The following MYBL2 variants were observed in gnomAD, a reference collection of about 807,000 sequenced individuals.
The protein encoded by MYBL2 is MYB proto-oncogene like 2, also known as myb-related protein B.
Under a neutral mutation model 79.9 loss-of-function variants are expected in MYBL2, and 28 were observed. The ratio of observed to expected loss-of-function variants is 0.35; its 90% confidence interval spans 0.26 to 0.48. MYBL2 has a LOEUF of 0.48. Among genes scored for constraint, MYBL2 ranks in the 20% least tolerant of loss-of-function variants. MYBL2 has a pLI of 0.99. For missense variants in MYBL2, 735 were observed against 893.9 expected (o/e 0.82, Z 2.27); for synonymous variants, 378 against 361.2 (o/e 1.05, Z -0.53).
intron 12 of MYBL2, among the ~76,000 whole-genome samples, chr20:43,714,303 C>T (rs1176136663): frequency 1.4e-4 from 22 of 152,142 alleles, no homozygotes; most frequent in African/African-American, 3.9e-4. Flanking sequence ...GTTGAAGCTG[C>T]GTCTTTATGA....
rs770545336 is a variant in MYBL2 at position 43,702,662 on chromosome 20, G to A, written c.1124G>A (p.Gly375Asp). The A allele has an allele frequency of 1.9e-6, 3 of 1,613,872 alleles. No homozygotes were observed. Among genetic ancestry groups the A allele is most frequent in the East Asian group, 4.5e-5 (2 of 44,892 alleles). ...VPSVTEYRLD[G>D]HTISDLSRSS... ...AGTGTGACCGAGTACCGCCTGGATGGCCACACCATCTCAGACCTGAGCCGG... is the reference window on the plus strand; with the variant it reads ...AGTGTGACCGAGTACCGCCTGGATGACCACACCATCTCAGACCTGAGCCGG... Residue 375 changes from glycine to aspartate, a missense_variant, in exon 8 of 14, where the codon GGC (glycine) becomes GAC (aspartate). Around this residue, in one of 5 missense-constraint regions of MYBL2, gnomAD observed 243 missense variants for 327.2 expected, o/e 0.74. Transcript: ENST00000217026.
At position 43,682,831 on chromosome 20, in the gene MYBL2, G is replaced by C; in HGVS notation, c.224G>C (p.Arg75Thr). 1 of 1,614,130 alleles carries C rather than the reference G, an allele frequency of 6.2e-7. No homozygotes were observed. Among genetic ancestry groups the C allele is most frequent in the Non-Finnish European group, 8.5e-7 (1 of 1,179,974 alleles). Residue 75 changes from arginine (R) to threonine (T), a missense_variant, in exon 4 of 14, where the codon AGA becomes ACA. Arg to Thr is a moderately conservative substitution (Grantham distance 71). Transcript: ENST00000217026. The part of the protein sequence containing the change: ...TDQQCQYRWL[R>T]VLNPDLVKGP... ...CAGCAATGCCAGTACAGGTGGCTGA[G>C]AGTTTTGAATCCAGACCTTGTCAAG...
chr20:43,709,842 A>G, intron 9 of MYBL2, 121 bp from the exon 10 acceptor site: 2 of 752,466 alleles, frequency 2.7e-6, no homozygotes, highest in East Asian at 5.7e-5. Context: ...GGGGAGAGGG[A>G]TGGGACGAGA....
At chr20:43,675,779 G>GTGTA (rs1555810052) in intron 2 of MYBL2, among the ~76,000 whole-genome samples, 7 of 151,574 alleles carry the variant, frequency 4.6e-5, no homozygotes, top group African/African-American at 1.5e-4. Context: ...GTGTGTGTGT[G>GTGTA]TGTGTGTTGT....
intron 8 of MYBL2, 46 bp downstream of exon 8, chr20:43,702,949 C>T (rs763136812): frequency 1.3e-6 from 2 of 1,540,698 alleles, no homozygotes; most frequent in Non-Finnish European, 1.8e-6. Context: ...GTACAGACAC[C>T]TAGTGTTCAG....
intron 10 of MYBL2, 61 bp from the exon 11 acceptor site, chr20:43,711,427 T>C: frequency 7.3e-7 from 1 of 1,378,702 alleles, no homozygotes; most frequent in Non-Finnish European, 1.0e-6. Context: ...GGTCCCACAG[T>C]CCCACACACA....
At chr20:43,691,011 C>G (rs1318914551) in intron 5 of MYBL2, among the ~76,000 whole-genome samples, 1 of 152,186 alleles carries the variant, frequency 6.6e-6, no homozygotes, top group African/African-American at 2.4e-5. Context: ...TGCTACTGTT[C>G]TACTGTAGAT....
At chr20:43,715,076 T>C (rs1391513400) in intron 12 of MYBL2, 58 bp from the exon 13 acceptor site, 38 of 1,599,662 alleles carry the variant, frequency 2.4e-5, no homozygotes, top group Middle Eastern at 1.7e-4. Context: ...CGGGTTTTTT[T>C]CTTCCCTCTC....
intron 9 of MYBL2, among the ~76,000 whole-genome samples, chr20:43,707,387 G>A (rs1431826522): frequency 6.6e-6 from 1 of 151,928 alleles, no homozygotes; most frequent in South Asian, 2.1e-4. Context: ...TATCCATGTG[G>A]CCTCATTTGC....
rs1168751852 is a variant in MYBL2, at chr20:43,715,992, G to T, written c.2008G>T (p.Gly670Trp). ...TGCCTGGAAGACGGTGGCCTGCGGG[G>T]GGACCAGGGACCAGCTTTTCATGCA... The part of the protein sequence containing the change: ...SSAWKTVACG[G>W]TRDQLFMQEK... Residue 670 changes from glycine (G) to tryptophan (W), a missense_variant, in exon 14 of 14, where the codon GGG becomes TGG. Around this residue, in one of 5 missense-constraint regions of MYBL2, gnomAD observed 204 missense variants for 202.9 expected, o/e 1.01. Transcript: ENST00000217026. 13 of 1,612,192 alleles carry T rather than the reference G, an allele frequency of 8.1e-6. No individual in the cohort carries two copies.
chr20:43,684,014 G>A (rs1010261516), intron 4 of MYBL2, among the ~76,000 whole-genome samples: 1 of 151,698 alleles, frequency 6.6e-6, no homozygotes, highest in African/African-American at 2.4e-5. Context: ...TTGCAGCCTC[G>A]ACCTCCCAGG....
intron 7 of MYBL2, among the ~76,000 whole-genome samples, chr20:43,701,661 G>A (rs2145728257): frequency 6.6e-6 from 1 of 152,262 alleles, no homozygotes; most frequent in East Asian, 1.9e-4. Flanking sequence ...TAACTTTTGT[G>A]AGCTGCCCCA....
chr20:43,712,001 A>G (rs1051060245), intron 11 of MYBL2, among the ~76,000 whole-genome samples: 2 of 152,092 alleles, frequency 1.3e-5, no homozygotes, highest in African/African-American at 2.4e-5. Context: ...GGGAGGTTCC[A>G]AAGGAATCTT....
rs1281260922 is a variant in MYBL2 at position 43,715,889 on chromosome 20, C to CCAGGAT, written c.1975-67_1975-62dup. 2.0e-6 allele frequency: 3 copies of CCAGGAT among 1,518,660 alleles called. No homozygotes were observed. The African/African-American group carries it at 4.2e-5, about 21-fold the overall frequency. 94.1% of individuals were successfully genotyped at this position (1,518,660 alleles called of 1,614,324 possible). On this transcript the variant is annotated intron_variant, in intron 13 of 13. Transcript: ENST00000217026. ...GGCTTATAACTCTACCCTTCCCTGG[C>CCAGGAT]CAGGATCACCAGGGTCTGTTGGGAA...
chr20:43,716,471 T>A lies in MYBL2; in HGVS notation c.*384T>A, dbSNP rs558941534. 4.2e-6 allele frequency: 1 copy of A among 239,400 alleles called. No homozygotes were observed. The highest frequency in any genetic ancestry group is 5.6e-5 in the South Asian group (1 of 17,752). The allele number at this position is 239,400 out of a possible 1,614,324, so 14.8% of individuals were successfully genotyped here. ...GTGCATTTTTTTGGAAGAATAAAAT[T>A]GCCTCTCTCTTTGTGCTGGTCTGGA... On this transcript the variant is annotated 3_prime_UTR_variant, in exon 14 of 14. Transcript: ENST00000217026.
At chr20:43,706,384 A>T (rs1459119247) in intron 9 of MYBL2, among the ~76,000 whole-genome samples, 1 of 152,122 alleles carries the variant, frequency 6.6e-6, no homozygotes, top group South Asian at 2.1e-4. Context: ...TGCTTTTACA[A>T]TAAGTTTACT....
At chr20:43,699,541 T>G (rs1352769069) in intron 6 of MYBL2, among the ~76,000 whole-genome samples, 1 of 152,228 alleles carries the variant, frequency 6.6e-6, no homozygotes, top group Non-Finnish European at 1.5e-5. Flanking sequence ...GACCAGACAT[T>G]GCATTTAGTT....
At chr20:43,702,935 G>T (rs1244677566) in intron 8 of MYBL2, 32 bp downstream of exon 8, 1 of 1,560,852 alleles carries the variant, frequency 6.4e-7, no homozygotes, top group South Asian at 1.2e-5. Flanking sequence ...TGCTTATTGG[G>T]TCGGTACAGA....
rs1458090936 is a variant in MYBL2, at chr20:43,712,867, C to T, written c.1720-135C>T. The T allele has an allele frequency of 7.4e-6, 5 of 671,450 alleles. No homozygotes were observed. In the East Asian group the frequency reaches 1.4e-4, roughly 18 times the overall value. 41.6% of individuals were successfully genotyped at this position (671,450 alleles called of 1,614,324 possible). Reference sequence around the variant, plus strand: ...CCATTCTTCTGACAGCAGATTCCCACTAGCTGGGCCTTGCTCCAAGTCTGC... The same window carrying T: ...CCATTCTTCTGACAGCAGATTCCCATTAGCTGGGCCTTGCTCCAAGTCTGC... On this transcript the variant is annotated intron_variant, in intron 11 of 13. Coordinates refer to ENST00000217026, the MANE Select transcript of MYBL2 (RefSeq NM_002466.4).
Sources: allele counts gnomAD v4.1 joint callset (sites outside exome capture counted in the v4.1 genomes callset), GRCh38; gene constraint gnomAD v4.1.1; regional missense constraint gnomAD v4.1.1; transcripts MANE v1.5; gene names NCBI Gene and HGNC (gene_info 2026-07-23, HGNC 2026-07-21).